DOCK10: variants seen among roughly 807,000 people sequenced by gnomAD.
The protein encoded by DOCK10 is dedicator of cytokinesis protein 10.
Under a neutral mutation model 280.1 loss-of-function variants are expected in DOCK10, and 145 were observed. That is an observed-to-expected ratio of 0.52 (90% CI 0.45 to 0.59). The LOEUF is 0.59. Ranked by LOEUF, DOCK10 falls within the 20% of genes least tolerant of loss-of-function variation. The pLI is 0.00. For missense variants in DOCK10, 2,368 were observed against 2,651.7 expected (o/e 0.89, Z 2.35); for synonymous variants, 915 against 942.2 (o/e 0.97, Z 0.53).
intron 27 of DOCK10, among the ~76,000 whole-genome samples, chr2:224,824,429 C>CTTTTTTTTTTTTTTTTTTTTTTTT (rs869275800): frequency 1.6e-5 from 1 of 63,602 alleles, no homozygotes; most frequent in African/African-American, 7.3e-5. Context: ...TCAGACTCTG[C>CTTTTTTTTTTTTTTTTTTTTTTTT]TTTTTTTTTT....
chr2:224,989,429 GTCATCATTATCA>G (rs1706068730), intron 1 of DOCK10, among the ~76,000 whole-genome samples: 1 of 152,156 alleles, frequency 6.6e-6, no homozygotes, highest in Non-Finnish European at 1.5e-5. Flanking sequence ...CAGCATCATT[GTCATCATTATCA>G]TCTTCATCAT....
At chr2:224,972,419 A>G (rs1705142383) in intron 1 of DOCK10, among the ~76,000 whole-genome samples, 1 of 152,220 alleles carries the variant, frequency 6.6e-6, no homozygotes, top group Admixed American at 6.5e-5. Context: ...ATGACCCATA[A>G]GATATGGCTT....
intron 1 of DOCK10, among the ~76,000 whole-genome samples, chr2:225,000,979 GA>G (rs1197365151): frequency 6.6e-6 from 1 of 151,862 alleles, no homozygotes; most frequent in African/African-American, 2.4e-5. Context: ...ATCTCAAAAA[GA>G]AAAAAAATTA....
chr2:224,773,630 C>T (rs544634331), intron 52 of DOCK10, among the ~76,000 whole-genome samples: 1 of 151,130 alleles, frequency 6.6e-6, no homozygotes, highest in Non-Finnish European at 1.5e-5. Flanking sequence ...TTTCTTTTTT[C>T]TTTCTATCTT....
intron 15 of DOCK10, 21 bp from the exon 16 acceptor site, chr2:224,855,063 G>GGA: frequency 1.5e-6 from 1 of 663,176 alleles, no homozygotes; most frequent in Non-Finnish European, 2.2e-6. Flanking sequence ...GCATGAGCAA[G>GGA]GACACACACA....
intron 11 of DOCK10, among the ~76,000 whole-genome samples, chr2:224,872,382 G>A (rs1206684747): frequency 6.6e-6 from 1 of 152,128 alleles, no homozygotes; most frequent in Non-Finnish European, 1.5e-5. Context: ...CCATTTAAAG[G>A]AGTGAAGACT....
chr2:225,037,898 T>C (rs1003354486), intron 1 of DOCK10, among the ~76,000 whole-genome samples: 2 of 152,136 alleles, frequency 1.3e-5, no homozygotes, highest in African/African-American at 4.8e-5. Flanking sequence ...CCAATGCCCT[T>C]GAGAAATAAA....
chr2:224,828,493 T>C (rs1695011558), intron 27 of DOCK10, among the ~76,000 whole-genome samples: 1 of 152,144 alleles, frequency 6.6e-6, no homozygotes, highest in Non-Finnish European at 1.5e-5. Flanking sequence ...GGACATTAAT[T>C]GAGACTGGAA....
intron 3 of DOCK10, among the ~76,000 whole-genome samples, chr2:224,906,508 G>GGCTGGAGTGCAGTGT (rs371754976): frequency 2.0e-5 from 3 of 152,150 alleles, no homozygotes; most frequent in African/African-American, 7.2e-5. Flanking sequence ...CTGTCTCCCA[G>GGCTGGAGTGCAGTGT]GCTGGAGTGC....
intron 11 of DOCK10, among the ~76,000 whole-genome samples, chr2:224,867,992 G>A (rs1333921607): frequency 2.0e-5 from 3 of 152,184 alleles, no homozygotes; most frequent in Non-Finnish European, 2.9e-5. Context: ...AGTTGGATGT[G>A]TGTTTTGAGC....
intron 31 of DOCK10, among the ~76,000 whole-genome samples, chr2:224,810,738 G>A (rs1333841330): frequency 1.4e-5 from 2 of 147,510 alleles, no homozygotes; most frequent in African/African-American, 5.0e-5. Context: ...TGCAGTGTTT[G>A]GTTTTTTGTC....
chr2:224,896,559 A>G (rs1414298788), intron 3 of DOCK10, among the ~76,000 whole-genome samples, 182 bp from the exon 4 acceptor site: 4 of 152,142 alleles, frequency 2.6e-5, no homozygotes, highest in Non-Finnish European at 5.9e-5. Flanking sequence ...TCTACTAAAA[A>G]TACAAAAATT....
intron 33 of DOCK10, chr2:224,807,385 G>C (rs1693461069): frequency 3.9e-6 from 1 of 258,016 alleles, no homozygotes; most frequent in Non-Finnish European, 7.5e-6. Context: ...ACTGAGGAAG[G>C]GGTCATAATT....
intron 39 of DOCK10, 114 bp downstream of exon 39, chr2:224,803,998 A>C (rs1672483757): frequency 3.5e-6 from 2 of 572,360 alleles, no homozygotes; most frequent in Non-Finnish European, 5.8e-6. Flanking sequence ...ATAAATAGAA[A>C]TATGTGTGTG....
intron 40 of DOCK10, 110 bp downstream of exon 40, chr2:224,801,806 C>G (rs1693033666): frequency 4.3e-6 from 5 of 1,173,118 alleles, no homozygotes; most frequent in African/African-American, 1.5e-5. Flanking sequence ...AGAAATATTC[C>G]CAGAGGTACA....
Position 224,854,985 on chromosome 2 carries a change from G to C in DOCK10, c.1866C>G (p.Asp622Glu). The C allele has an allele frequency of 6.2e-7, 1 of 1,608,952 alleles. No individual in the cohort carries two copies. Among genetic ancestry groups the C allele is most frequent in the South Asian group, 1.1e-5 (1 of 90,272 alleles). ...TIPGSLDIAV[D>E]NVPLEHPNCV... ...TACTTGGATGCTCCAAGGGAACGTT[G>C]TCAACAGCAATATCCAGGCTTCCAG... The change falls in exon 16 of 56, where the codon GAC (aspartate) becomes GAG (glutamate). Residue 622 changes from aspartate to glutamate, a missense_variant. Asp to Glu is a conservative substitution (Grantham distance 45). Coordinates refer to ENST00000258390, the MANE Select transcript of DOCK10 (RefSeq NM_014689.3).
chr2:224,834,508 A>G (rs143521390), intron 25 of DOCK10, among the ~76,000 whole-genome samples: 1 of 152,216 alleles, frequency 6.6e-6, no homozygotes. Context: ...AAAGAGCCAG[A>G]GAGCCATTTA....
chr2:225,033,248 T>A (rs552623334), intron 1 of DOCK10, among the ~76,000 whole-genome samples: 1 of 152,124 alleles, frequency 6.6e-6, no homozygotes, highest in East Asian at 1.9e-4. Flanking sequence ...AGTGGCATGA[T>A]CTCAGCTCAC....
intron 26 of DOCK10, among the ~76,000 whole-genome samples, chr2:224,832,784 A>C (rs1695320288): frequency 6.6e-6 from 1 of 151,978 alleles, no homozygotes; most frequent in Non-Finnish European, 1.5e-5. Context: ...ACCCCTCTCC[A>C]TCCCTTAGCA....
Sources: allele counts gnomAD v4.1 joint callset (sites outside exome capture counted in the v4.1 genomes callset), GRCh38; gene constraint gnomAD v4.1.1; transcripts MANE v1.5; gene names NCBI Gene and HGNC (gene_info 2026-07-23, HGNC 2026-07-21).